Variants in R3HDM4 observed in about 807,000 individuals in gnomAD.
R3HDM4 encodes R3H domain containing 4.
A neutral mutation model predicts 31.3 loss-of-function variants in R3HDM4; 30 were observed. The ratio of observed to expected loss-of-function variants is 0.96; its 90% confidence interval spans 0.72 to 1.30. R3HDM4 has a LOEUF of 1.30. Ranked by LOEUF, R3HDM4 falls within the 50% of genes most tolerant of loss-of-function variation. The pLI is 0.00. For synonymous variants in R3HDM4, 196 were observed against 156.6 expected, an observed-to-expected ratio of 1.25 and a Z score of -1.88; for missense variants, 444 against 366.1, an observed-to-expected ratio of 1.21 and a Z score of -1.74.
chr19:899,539 G>T lies in R3HDM4; in HGVS notation c.648-44C>A. 2 of 1,612,678 alleles carry T rather than the reference G, an allele frequency of 1.2e-6. No individual in the cohort carries two copies. Among genetic ancestry groups the T allele is most frequent in the Non-Finnish European group, 1.7e-6 (2 of 1,179,298 alleles). ...GAGCGCCGTGCAGGGGCTGCAGCGT[G>T]GGGTGTCCGCCCACCTGGCCGCAGC... On this transcript the variant is annotated intron_variant, in intron 6 of 7. Transcript: ENST00000361574. The surrounding 1 kb of genome is among the most constrained non-coding windows in gnomAD (Gnocchi z 6.8).
intron 1 of R3HDM4, 31 bp from the exon 2 acceptor site, chr19:902,161 G>A: frequency 6.2e-7 from 1 of 1,607,948 alleles, no homozygotes; most frequent in Non-Finnish European, 8.5e-7. Context: ...GGTCCTCAGG[G>A]TCAAGGCCGG....
chr19:900,578 A>G lies in R3HDM4; in HGVS notation c.475+251T>C, dbSNP rs1193038124. On this transcript the variant is annotated intron_variant, in intron 4 of 7. Transcript: ENST00000361574. ...ATCCATACCCTGGCCTCACCCACAC[A>G]CTAGGTCCAACCCACTCCAGGTCCC... Among the ~76,000 whole-genome samples the G allele has an allele frequency of 9.1e-5, 9 of 99,108 alleles. No individual in the cohort carries two copies. The Admixed American group carries it at 9.4e-4, about 10-fold the overall frequency. 65.0% of individuals were successfully genotyped at this position (99,108 alleles called of 152,430 possible).
intron 1 of R3HDM4, among the ~76,000 whole-genome samples, chr19:911,798 C>A (rs1020034610): frequency 2.0e-5 from 3 of 152,076 alleles, no homozygotes; most frequent in Non-Finnish European, 4.4e-5. Context: ...GCTTCCGGGT[C>A]CCCCGGGAAG....
At position 897,538 on chromosome 19, in the gene R3HDM4, C is replaced by T. The variant is rs1223418721; in HGVS notation, c.706G>A (p.Ala236Thr). 6 of 1,609,426 alleles carry T rather than the reference C, an allele frequency of 3.7e-6. No homozygotes were observed. In the African/African-American group the frequency reaches 6.7e-5, roughly 18 times the overall value. Residue 236 changes from alanine (A) to threonine (T), a missense_variant and splice_region_variant, in exon 8 of 8, where the codon GCT (alanine) becomes ACT (threonine). Coordinates refer to ENST00000361574, the MANE Select transcript of R3HDM4 (RefSeq NM_138774.4). ...CQYMDLISAS[A>T]DLEGKRQMKV... Reference sequence around the variant, plus strand: ...ATCTGCCGCTTCCCCTCCAGGTCAGCACCTGCAGACGGGACCAGCGGGGCA... The same window carrying T: ...ATCTGCCGCTTCCCCTCCAGGTCAGTACCTGCAGACGGGACCAGCGGGGCA...
At chr19:904,203 T>C (rs1317500167) in intron 1 of R3HDM4, among the ~76,000 whole-genome samples, 1 of 151,950 alleles carries the variant, frequency 6.6e-6, no homozygotes, top group Admixed American at 6.6e-5. Flanking sequence ...CACATTCTGC[T>C]CCAACCCCAC....
At chr19:902,221 C>T (rs2036847381) in intron 1 of R3HDM4, 91 bp from the exon 2 acceptor site, 4 of 1,465,872 alleles carry the variant, frequency 2.7e-6, no homozygotes, top group Non-Finnish European at 3.7e-6. Flanking sequence ...GCTTGGTTTC[C>T]CCCAGCAATG....
At chr19:901,649 C>G in intron 2 of R3HDM4, 103 bp from the exon 3 acceptor site, 1 of 1,409,458 alleles carries the variant, frequency 7.1e-7, no homozygotes, top group Non-Finnish European at 9.6e-7. Context: ...TCATCTCAAC[C>G]TCCGCACCTC....
At chr19:905,893 T>C (rs34358367) in intron 1 of R3HDM4, among the ~76,000 whole-genome samples, 15,082 of 152,162 alleles carry the variant, frequency 0.099, 939 homozygotes, top group South Asian at 0.19. Flanking sequence ...CTGGACCAGG[T>C]GCTCAGAACT....
chr19:901,833 C>A, intron 2 of R3HDM4, 143 bp downstream of exon 2: 1 of 844,396 alleles, frequency 1.2e-6, no homozygotes, highest in Non-Finnish European at 1.7e-6. Flanking sequence ...TTTATATGGT[C>A]CCCCGGCCTA....
chr19:912,912 G>A (rs996880067), intron 1 of R3HDM4, among the ~76,000 whole-genome samples, 175 bp downstream of exon 1: 4 of 151,622 alleles, frequency 2.6e-5, no homozygotes, highest in African/African-American at 4.8e-5. Flanking sequence ...CACAGCGGGC[G>A]AGAAGGGAAG....
intron 1 of R3HDM4, among the ~76,000 whole-genome samples, chr19:912,100 T>TG (rs1256845197): frequency 2.3e-3 from 1 of 444 alleles, no homozygotes; most frequent in African/African-American, 9.4e-3. Context: ...CCCGGGGAGG[T>TG]GGGGGGGGGG....
intron 1 of R3HDM4, among the ~76,000 whole-genome samples, chr19:909,837 A>G (rs1045163974): frequency 6.6e-6 from 1 of 152,086 alleles, no homozygotes; most frequent in Non-Finnish European, 1.5e-5. Context: ...AGACTCAGGA[A>G]GAAGAGCCCA....
rs1029522118 is a variant in R3HDM4, at chr19:901,113, C to T, written c.352-161G>A. ...TGCTTGTGTCGGGCCCTGAGCTGAG[C>T]GCAGGGAAGCGGGGAACCGGGGTGG... On this transcript the variant is annotated intron_variant, in intron 3 of 7. Coordinates refer to ENST00000361574, the MANE Select transcript of R3HDM4 (RefSeq NM_138774.4). 7 of 966,916 alleles carry T rather than the reference C, an allele frequency of 7.2e-6. No individual in the cohort carries two copies. In the Admixed American group the frequency reaches 1.2e-4, roughly 17 times the overall value. The allele number at this position is 966,916 out of a possible 1,614,324, so 59.9% of individuals were successfully genotyped here.
At position 901,362 on chromosome 19, in the gene R3HDM4, G is replaced by C. The variant is rs1426059778; in HGVS notation, c.351+60C>G. On this transcript the variant is annotated intron_variant, in intron 3 of 7. Coordinates refer to ENST00000361574, the MANE Select transcript of R3HDM4 (RefSeq NM_138774.4). The stretch of plus-strand genomic sequence containing the variant: ...GGGGGACGGGCACAGGCGATGGCCT[G>C]GCCGTAGGAGAACTGCCGGGGTCCC... The C allele has an allele frequency of 5.8e-6, 9 of 1,553,004 alleles. No homozygotes were observed. In the Admixed American group the frequency reaches 1.3e-4, roughly 22 times the overall value.
Position 897,494 on chromosome 19 carries a change from G to T in R3HDM4, c.750C>A (p.His250Gln). The T allele has an allele frequency of 6.2e-7, 1 of 1,613,252 alleles. No individual in the cohort carries two copies. Among genetic ancestry groups the T allele is most frequent in the African/African-American group, 1.3e-5 (1 of 75,048 alleles). ...GCAGCCCCGGCGGCAGGAAATCCAGGTGCCGATTACTGACCTTCATCTGCC... is the reference window on the plus strand; with the variant it reads ...GCAGCCCCGGCGGCAGGAAATCCAGTTGCCGATTACTGACCTTCATCTGCC... ...GKRQMKVSNRHLDFLPPGLLL... is the reference protein window; with the variant it reads ...GKRQMKVSNRQLDFLPPGLLL... Residue 250 changes from histidine to glutamine, a missense_variant, in exon 8 of 8, where the codon CAC (histidine) becomes CAA (glutamine). Coordinates refer to ENST00000361574, the MANE Select transcript of R3HDM4 (RefSeq NM_138774.4).
At position 899,596 on chromosome 19, in the gene R3HDM4, C is replaced by T; in HGVS notation, c.647+5G>A. The T allele has an allele frequency of 6.2e-7, 1 of 1,612,506 alleles. No homozygotes were observed. ...GGGTCCGCTCGCCTGGCCGCCCCCCCTTACCTGTTGTCTAGCATTGCTGTG... is the reference window on the plus strand; with the variant it reads ...GGGTCCGCTCGCCTGGCCGCCCCCCTTTACCTGTTGTCTAGCATTGCTGTG... On this transcript the variant is annotated splice_donor_5th_base_variant and intron_variant, in intron 6 of 7. Transcript: ENST00000361574. This position sits in a 1 kb window ranked among gnomAD's most constrained non-coding sequence, Gnocchi z 6.8.
rs1464912522 is a variant in R3HDM4, at chr19:907,259, G to A, written c.72-5129C>T. On this transcript the variant is annotated intron_variant, in intron 1 of 7. Coordinates refer to ENST00000361574, the MANE Select transcript of R3HDM4 (RefSeq NM_138774.4). This position sits in a 1 kb window ranked among gnomAD's most constrained non-coding sequence, Gnocchi z 4.1. ...GACGGGTACTCAGTGGGAATACAGG[G>A]TCATGTTAAGCCAGCGTCTCTGAAG... Among the ~76,000 whole-genome samples the A allele has an allele frequency of 5.3e-5, 8 of 152,162 alleles. No individual in the cohort carries two copies. In the South Asian group the frequency reaches 1.7e-3, roughly 31 times the overall value.
intron 1 of R3HDM4, among the ~76,000 whole-genome samples, chr19:905,843 A>G (rs568291676): frequency 6.6e-6 from 1 of 152,254 alleles, no homozygotes; most frequent in South Asian, 2.1e-4. Flanking sequence ...GCACCCACCA[A>G]TAGGGACCTG....
rs1390792999 is a variant in R3HDM4 at position 913,204 on chromosome 19, G to T, written c.-47C>A. On this transcript the variant is annotated 5_prime_UTR_variant, in exon 1 of 8. Transcript: ENST00000361574. The surrounding 1 kb of genome is among the most constrained non-coding windows in gnomAD (Gnocchi z 5.0). ...GCCGCCGCCCGGCAGGGCCTTCACC[G>T]GGCCGGGCAGGAAGTGACGGGCGCC... 2.8e-6 allele frequency: 3 copies of T among 1,053,266 alleles called. No homozygotes were observed. The highest frequency in any genetic ancestry group is 2.3e-6 in the Non-Finnish European group (2 of 875,688). The allele number at this position is 1,053,266 out of a possible 1,614,324, so 65.2% of individuals were successfully genotyped here.
Sources: allele counts gnomAD v4.1 joint callset (sites outside exome capture counted in the v4.1 genomes callset), GRCh38; gene constraint gnomAD v4.1.1; non-coding constraint Gnocchi (gnomAD v3.1); transcripts MANE v1.5; gene names NCBI Gene and HGNC (gene_info 2026-07-23, HGNC 2026-07-21).